MACF1: variants seen among roughly 807,000 people sequenced by gnomAD.
MACF1 encodes microtubule-actin cross-linking factor 1.
A neutral mutation model predicts 854.8 loss-of-function variants in MACF1; 193 were observed. The ratio of observed to expected loss-of-function variants is 0.23; its 90% CI spans 0.20 to 0.25. The LOEUF is 0.25. Among genes scored for constraint, MACF1 ranks in the 10% least tolerant of loss-of-function variants. The pLI, the probability that MACF1 is intolerant of heterozygous loss-of-function variation, is 1.00. For missense variants in MACF1, 7,722 were observed against 8,929.1 expected (o/e 0.86, Z 5.45); for synonymous variants, 3,185 against 3,226.7 (o/e 0.99, Z 0.44).
chr1:39,411,124 A>G, intron 58 of MACF1: 1 of 1,613,658 alleles, frequency 6.2e-7, no homozygotes. Flanking sequence ...CACTGTGGAA[A>G]TGCCACCTCT....
At chr1:39,419,942 A>G (rs951010452) in intron 58 of MACF1, among the ~76,000 whole-genome samples, 3 of 152,184 alleles carry the variant, frequency 2.0e-5, no homozygotes, top group Non-Finnish European at 4.4e-5. Context: ...TGCCAGGATT[A>G]CAGGCATGAG....
rs569220680 is a variant in MACF1, at chr1:39,138,060, G to A, written c.220+53622G>A. On this transcript the variant is annotated intron_variant, in intron 2 of 93. Transcript: ENST00000361689. The stretch of plus-strand genomic sequence containing the variant: ...CTGCACTCCAGCCTGGGTAACAGTC[G>A]AGACTCCATCTCAAAAAAAAAAAAA... Among the ~76,000 whole-genome samples, 9 of 116,990 alleles carry A rather than the reference G, an allele frequency of 7.7e-5. No individual in the cohort carries two copies. In the South Asian group the frequency reaches 2.5e-3, roughly 33 times the overall value. 76.7% of individuals were successfully genotyped at this position (116,990 alleles called of 152,430 possible).
At chr1:39,389,115 A>G (rs906473706) in intron 58 of MACF1, among the ~76,000 whole-genome samples, 3 of 151,714 alleles carry the variant, frequency 2.0e-5, no homozygotes, top group East Asian at 3.9e-4. Flanking sequence ...AGCTCAGGCA[A>G]TCCGCCCACC....
rs768356370 is a variant in MACF1, at chr1:39,463,721, G to T, written c.21753+35G>T. Reference sequence around the variant, plus strand: ...AGAAAAAGCAGTCCTTTGTTGTGGTGGTTTCTCATATGTGGCTGATCCCAC... The same window carrying T: ...AGAAAAAGCAGTCCTTTGTTGTGGTTGTTTCTCATATGTGGCTGATCCCAC... On this transcript the variant is annotated intron_variant, in intron 94 of 100. Transcript: ENST00000564288. 1.9e-6 allele frequency: 3 copies of T among 1,586,778 alleles called. No homozygotes were observed. The South Asian group carries it at 3.3e-5, about 18-fold the overall frequency.
chr1:39,309,045 T>A (rs1011315906), intron 23 of MACF1, among the ~76,000 whole-genome samples: 3 of 152,186 alleles, frequency 2.0e-5, no homozygotes, highest in African/African-American at 7.2e-5. Flanking sequence ...AATCAGTTTT[T>A]AAACATTGAT....
rs534326218 is a variant in MACF1, at chr1:39,199,236, C to T, written c.221-31946C>T. 3.3e-4 allele frequency among the ~76,000 whole-genome samples: 50 copies of T among 152,064 alleles called. 1 individual carries two copies. The East Asian group carries it at 7.1e-3, about 21-fold the overall frequency. On this transcript the variant is annotated intron_variant, in intron 2 of 93. Coordinates refer to the MACF1 transcript ENST00000361689. ...TCCTGACCTCATGATCCGCCCGCCT[C>T]GGCCTCCCAAAGTGCTGGGATTACA...
intron 22 of MACF1, among the ~76,000 whole-genome samples, chr1:39,301,595 T>G (rs80022002): frequency 0.038 from 5,784 of 151,462 alleles, 364 homozygotes; most frequent in African/African-American, 0.13. Flanking sequence ...CCAGCTAATT[T>G]TTTGTATTTT....
intron 2 of MACF1, among the ~76,000 whole-genome samples, chr1:39,242,736 C>CAAAAAA (rs36020944): frequency 1.5e-5 from 2 of 135,342 alleles, no homozygotes; most frequent in African/African-American, 6.1e-5. Flanking sequence ...ACCCTATCTC[C>CAAAAAA]AAAAAAAAAA....
chr1:39,307,901 C>CTTTTTTTTTTTTTTTTTTTTTTTTT (rs34930273), intron 23 of MACF1, among the ~76,000 whole-genome samples: 6 of 50,392 alleles, frequency 1.2e-4, no homozygotes, highest in Non-Finnish European at 2.1e-4. Context: ...TTCTTTCTTT[C>CTTTTTTTTTTTTTTTTTTTTTTTTT]TTTTTTTTTT....
At position 39,264,759 on chromosome 1, in the gene MACF1, C is replaced by T. The variant is rs910605227; in HGVS notation, c.528+6731C>T. Among the ~76,000 whole-genome samples, 6 of 151,128 alleles carry T rather than the reference C, an allele frequency of 4.0e-5. No homozygotes were observed. In the East Asian group the frequency reaches 5.8e-4, roughly 15 times the overall value. On this transcript the variant is annotated intron_variant, in intron 6 of 100. Coordinates refer to ENST00000564288, the MANE Select transcript of MACF1 (RefSeq NM_001394062.1). ...CACAATCTCGGCTCACTGCAAGCTC[C>T]GCTTCCCGGGTTCACGCCATTCTCC...
intron 23 of MACF1, 145 bp downstream of exon 23, chr1:39,303,223 TCTC>T: frequency 2.4e-6 from 2 of 840,080 alleles, no homozygotes; most frequent in Non-Finnish European, 3.6e-6. Context: ...AGATATCAAG[TCTC>T]CTACTACCAG....
intron 2 of MACF1, among the ~76,000 whole-genome samples, chr1:39,178,268 G>A (rs1337300081): frequency 6.7e-6 from 1 of 148,456 alleles, no homozygotes; most frequent in Non-Finnish European, 1.5e-5. Context: ...GTATACATGT[G>A]CCATGGTGGT....
chr1:39,295,098 A>G lies in MACF1; in HGVS notation c.2207A>G (p.Asp736Gly). ...EKQDVFRSLQ[D>G]TAELLSLENH... ...CAGGATGTGTTTCGTTCTCTACAAGATACAGCAGAACTACTTTCACTTGAG... is the reference window on the plus strand; with the variant it reads ...CAGGATGTGTTTCGTTCTCTACAAGGTACAGCAGAACTACTTTCACTTGAG... The change falls in exon 19 of 101, where the codon GAT becomes GGT. Residue 736 changes from aspartate (D) to glycine (G), a missense_variant. Physicochemically the swap from Asp to Gly is moderately conservative, Grantham distance 94. Transcript: ENST00000564288. 3.1e-6 allele frequency: 5 copies of G among 1,614,130 alleles called. No homozygotes were observed. Among genetic ancestry groups the G allele is most frequent in the Non-Finnish European group, 4.2e-6 (5 of 1,180,002 alleles).
chr1:39,442,089 T>G (rs1199451420), intron 75 of MACF1, 36 bp downstream of exon 75: 1 of 1,596,174 alleles, frequency 6.3e-7, no homozygotes, highest in Non-Finnish European at 8.5e-7. Context: ...AGAAGAATTG[T>G]TTTATTATAG....
intron 2 of MACF1, among the ~76,000 whole-genome samples, chr1:39,167,251 C>T (rs183489724): frequency 4.0e-5 from 6 of 151,684 alleles, no homozygotes; most frequent in South Asian, 2.1e-4. Flanking sequence ...CTTGAGCCAC[C>T]GCACACAGCC....
chr1:39,342,359 T>TAC (rs1646953124), intron 40 of MACF1, among the ~76,000 whole-genome samples: 1 of 152,146 alleles, frequency 6.6e-6, no homozygotes. Flanking sequence ...GTACTGAACA[T>TAC]ACACACACAT....
At chr1:39,423,002 T>TC in intron 60 of MACF1, 102 bp downstream of exon 60, 1 of 999,714 alleles carries the variant, frequency 1.0e-6, no homozygotes, top group Non-Finnish European at 1.5e-6. Flanking sequence ...TTTAGTAGAA[T>TC]CCTAAACTAC....
Position 39,322,890 on chromosome 1 carries a change from A to C in MACF1, c.4138-20A>C. On this transcript the variant is annotated intron_variant, in intron 32 of 100. Transcript: ENST00000564288. ...ATTTTCTGGCAGACGATTTATTTAA[A>C]TTGTTCTTTTGAACCACAGTTCATG... 6.2e-7 allele frequency: 1 copy of C among 1,605,302 alleles called. No homozygotes were observed. The highest frequency in any genetic ancestry group is 8.5e-7 in the Non-Finnish European group (1 of 1,171,970).
intron 2 of MACF1, among the ~76,000 whole-genome samples, chr1:39,167,598 C>T (rs1420548054): frequency 2.0e-5 from 3 of 151,914 alleles, no homozygotes; most frequent in Non-Finnish European, 4.4e-5. Context: ...CCCAGCTACT[C>T]AGGAGCCTGA....
Sources: gnomAD v4.1 joint callset for allele counts (sites outside exome capture counted in the v4.1 genomes callset) on GRCh38, gnomAD v4.1.1 for gene constraint, MANE v1.5 for transcripts, NCBI Gene and HGNC (gene_info 2026-07-23, HGNC 2026-07-21) for gene names.